Variants in C3orf70 observed in about 807,000 individuals in gnomAD.
C3orf70 encodes the protein chromosome 3 open reading frame 70.
C3orf70 carries 15 observed loss-of-function variants against 20.7 expected under a neutral mutation model. That is an observed-to-expected ratio of 0.72 (90% CI 0.48 to 1.11). The LOEUF (loss-of-function observed/expected upper bound fraction) is 1.11, where lower values mean the gene tolerates loss of function less well. Ranked by LOEUF, C3orf70 falls within the 50% of genes most tolerant of loss-of-function variation. The pLI, the probability that C3orf70 is intolerant of heterozygous loss-of-function variation, is 0.00. For missense variants in C3orf70, 332 were observed against 317.6 expected, an observed-to-expected ratio of 1.05 and a Z score of -0.34; for synonymous variants, 161 against 125.7, an observed-to-expected ratio of 1.28 and a Z score of -1.88.
At chr3:185,142,188 A>T (rs994119304) in intron 1 of C3orf70, among the ~76,000 whole-genome samples, 2 of 152,218 alleles carry the variant, frequency 1.3e-5, no homozygotes, top group African/African-American at 4.8e-5. Flanking sequence ...GGCTGGGCAC[A>T]GTGGCTCATG....
intron 1 of C3orf70, among the ~76,000 whole-genome samples, chr3:185,113,666 T>C (rs1426610623): frequency 6.6e-6 from 1 of 152,056 alleles, no homozygotes; most frequent in Admixed American, 6.5e-5. Context: ...TTGTGATATA[T>C]ATGAAAAAAA....
intron 1 of C3orf70, among the ~76,000 whole-genome samples, chr3:185,116,453 C>T (rs889450158): frequency 2.0e-5 from 3 of 152,196 alleles, no homozygotes; most frequent in African/African-American, 7.2e-5. Flanking sequence ...TTCAGGGTTT[C>T]TGTTATTATT....
chr3:185,146,128 A>G (rs1716870341), intron 1 of C3orf70, among the ~76,000 whole-genome samples: 1 of 151,968 alleles, frequency 6.6e-6, no homozygotes, highest in African/African-American at 2.4e-5. Context: ...GGAAGAACCT[A>G]TCAGCTTTCT....
At chr3:185,108,462 C>A (rs2108594961) in intron 1 of C3orf70, among the ~76,000 whole-genome samples, 1 of 152,336 alleles carries the variant, frequency 6.6e-6, no homozygotes, top group African/African-American at 2.4e-5. Context: ...CAACTGATGA[C>A]TTTATTTACC....
chr3:185,105,589 G>A (rs556355411), intron 1 of C3orf70, among the ~76,000 whole-genome samples: 2 of 152,110 alleles, frequency 1.3e-5, no homozygotes, highest in South Asian at 4.2e-4. Flanking sequence ...GTCTGTTTGG[G>A]GCTCTCAGCT....
Position 185,113,438 on chromosome 3 carries a change from C to G in C3orf70, c.197-29875G>C, listed in dbSNP as rs73190982. Among the ~76,000 whole-genome samples, 218 of 152,276 alleles carry G rather than the reference C, an allele frequency of 1.4e-3. 1 individual carries two copies. The highest frequency in any genetic ancestry group is 3.4e-3 in the Middle Eastern group (1 of 294). On this transcript the variant is annotated intron_variant, in intron 1 of 1. Transcript: ENST00000335012. ...AAAGAGCATTTTCCTTTTCTTCGAACATGGCTGAAAGTAAGTGTCTGGATT... is the reference window on the plus strand; with the variant it reads ...AAAGAGCATTTTCCTTTTCTTCGAAGATGGCTGAAAGTAAGTGTCTGGATT...
intron 1 of C3orf70, among the ~76,000 whole-genome samples, chr3:185,084,674 T>G (rs1162668989): frequency 6.6e-6 from 1 of 152,156 alleles, no homozygotes; most frequent in African/African-American, 2.4e-5. Flanking sequence ...CTCAACTGTT[T>G]CCCACATAGT....
chr3:185,145,702 C>T (rs1449340959), intron 1 of C3orf70, among the ~76,000 whole-genome samples: 1 of 152,206 alleles, frequency 6.6e-6, no homozygotes, highest in East Asian at 1.9e-4. Context: ...CCACAGGCAG[C>T]TAGGGGTACT....
At chr3:185,129,499 C>G (rs1716484210) in intron 1 of C3orf70, among the ~76,000 whole-genome samples, 1 of 152,094 alleles carries the variant, frequency 6.6e-6, no homozygotes, top group Admixed American at 6.5e-5. Context: ...TAGGTTGATT[C>G]TATGTCTTTG....
At chr3:185,137,130 T>C (rs893058081) in intron 1 of C3orf70, among the ~76,000 whole-genome samples, 2 of 152,146 alleles carry the variant, frequency 1.3e-5, no homozygotes, top group East Asian at 3.9e-4. Flanking sequence ...CTCGTGGTAG[T>C]GAATAAGTCT....
chr3:185,111,013 C>T (rs147535053), intron 1 of C3orf70, among the ~76,000 whole-genome samples: 7,913 of 152,148 alleles, frequency 0.052, 674 homozygotes, highest in African/African-American at 0.18. Context: ...TCTAGCGCTG[C>T]CGGGTTAGGG....
chr3:185,124,022 T>C (rs935383326), intron 1 of C3orf70, among the ~76,000 whole-genome samples: 10 of 152,314 alleles, frequency 6.6e-5, no homozygotes, highest in African/African-American at 2.2e-4. Flanking sequence ...TTGTCTTTAC[T>C]GAACATGTAT....
At chr3:185,121,357 T>C (rs1258386466) in intron 1 of C3orf70, among the ~76,000 whole-genome samples, 1 of 128,582 alleles carries the variant, frequency 7.8e-6, no homozygotes, top group Non-Finnish European at 1.6e-5. Flanking sequence ...TCTATGGAAA[T>C]TAAAAAAAAA....
chr3:185,109,748 A>G (rs575575101), intron 1 of C3orf70, among the ~76,000 whole-genome samples: 1 of 152,324 alleles, frequency 6.6e-6, no homozygotes, highest in African/African-American at 2.4e-5. Context: ...TAATCACTCT[A>G]TGACACAGTT....
chr3:185,125,546 A>C (rs1716393828), intron 1 of C3orf70, among the ~76,000 whole-genome samples: 1 of 152,250 alleles, frequency 6.6e-6, no homozygotes, highest in Admixed American at 6.5e-5. Flanking sequence ...CAAAAAATGC[A>C]TGCAAATATT....
rs1553920938 is a variant in C3orf70 at position 185,120,033 on chromosome 3, A to AAAGAAAGAAAAAGAAAG, written c.196+32594_196+32595insCTTTCTTTTTCTTTCTT. On this transcript the variant is annotated intron_variant, in intron 1 of 1. Coordinates refer to ENST00000335012, the MANE Select transcript of C3orf70 (RefSeq NM_001025266.3). ...CTAGACTCTGTCTCAAAAAAAAAAA[A>AAAGAAAGAAAAAGAAAG]AAAAAGAAAAAGAAAAAAGTGTCTT... is the stretch of plus-strand genomic sequence containing the variant. 5.0e-5 allele frequency among the ~76,000 whole-genome samples: 5 copies of AAAGAAAGAAAAAGAAAG among 100,750 alleles called. No homozygotes were observed. The East Asian group carries it at 1.1e-3, about 22-fold the overall frequency. 66.1% of individuals were successfully genotyped at this position (100,750 alleles called of 152,430 possible). A position where few individuals can be genotyped will look rare whatever the true frequency, so the allele number is the denominator to read the frequency against.
At chr3:185,091,513 G>T (rs181088895) in intron 1 of C3orf70, among the ~76,000 whole-genome samples, 342 of 152,162 alleles carry the variant, frequency 2.2e-3, no homozygotes, top group African/African-American at 8.0e-3. Context: ...AAAGAGAAGA[G>T]ATGGGAGTTA....
intron 1 of C3orf70, among the ~76,000 whole-genome samples, chr3:185,110,556 C>CCCCA (rs780625752): frequency 4.6e-5 from 7 of 151,858 alleles, no homozygotes; most frequent in African/African-American, 1.7e-4. Context: ...GGCCCCCCCT[C>CCCCA]AAAATCTGGC....
intron 1 of C3orf70, among the ~76,000 whole-genome samples, chr3:185,134,471 T>G (rs1391128887): frequency 6.6e-6 from 1 of 152,184 alleles, no homozygotes; most frequent in African/African-American, 2.4e-5. Context: ...CACACGGTAG[T>G]GAGTTCCCTG....
Sources: allele counts gnomAD v4.1 joint callset (sites outside exome capture counted in the v4.1 genomes callset), GRCh38; gene constraint gnomAD v4.1.1; transcripts MANE v1.5; gene names NCBI Gene and HGNC (gene_info 2026-07-23, HGNC 2026-07-21).